Variants in SMCHD1 observed in about 807,000 individuals in gnomAD.
SMCHD1 encodes the protein structural maintenance of chromosomes flexible hinge domain containing 1.
SMCHD1 carries 78 observed loss-of-function variants against 254.7 expected under a neutral mutation model. The ratio of observed to expected loss-of-function variants is 0.31; its 90% CI spans 0.26 to 0.37. The LOEUF (loss-of-function observed/expected upper bound fraction) is 0.37. Among genes scored for constraint, SMCHD1 ranks in the 10% least tolerant of loss-of-function variants. The probability of loss-of-function intolerance (pLI) is 1.00; values close to 1 mark genes in which losing one functional copy is unlikely to be tolerated. For missense variants in SMCHD1, 1,840 were observed against 2,408.1 expected (o/e 0.76, Z 4.94); for synonymous variants, 766 against 794.9 (o/e 0.96, Z 0.61).
intron 25 of SMCHD1, among the ~76,000 whole-genome samples, chr18:2,737,336 A>G (rs1284964829): frequency 6.6e-6 from 1 of 152,244 alleles, no homozygotes; most frequent in Non-Finnish European, 1.5e-5. Flanking sequence ...CATGCAATTT[A>G]TCCATGTAAC....
chr18:2,680,795 G>C (rs2073906613), intron 5 of SMCHD1, among the ~76,000 whole-genome samples: 1 of 152,156 alleles, frequency 6.6e-6, no homozygotes, highest in Non-Finnish European at 1.5e-5. Context: ...GCCTCAGACA[G>C]CTGTTAATGA....
At chr18:2,776,040 ATTATATACGTTATTT>A in intron 42 of SMCHD1, 116 bp downstream of exon 42, 1 of 895,148 alleles carries the variant, frequency 1.1e-6, no homozygotes, top group Admixed American at 3.3e-5. Context: ...ATTGACTTGA[ATTATATACGTTATTT>A]TTGTCTTCAT....
intron 5 of SMCHD1, 116 bp from the exon 6 acceptor site, chr18:2,688,278 G>T (rs550842190): frequency 7.2e-6 from 5 of 693,224 alleles, no homozygotes; most frequent in African/African-American, 1.8e-5. Flanking sequence ...TCACCTTTCA[G>T]TTAGGGGTGT....
intron 40 of SMCHD1, among the ~76,000 whole-genome samples, chr18:2,771,894 G>T (rs1011582842): frequency 5.3e-4 from 80 of 152,222 alleles, no homozygotes; most frequent in African/African-American, 1.8e-3. Context: ...ACCACTACAC[G>T]TGATGGTAAA....
chr18:2,759,628 G>T (rs1353128926), intron 34 of SMCHD1, among the ~76,000 whole-genome samples: 1 of 138,206 alleles, frequency 7.2e-6, no homozygotes, highest in Non-Finnish European at 1.5e-5. Flanking sequence ...GGAGTGCAGT[G>T]GAGTGATCTT....
chr18:2,802,304 T>C lies in SMCHD1; in HGVS notation c.5994-224T>C, dbSNP rs1318078. On this transcript the variant is annotated intron_variant, in intron 47 of 47. Transcript: ENST00000320876. The stretch of plus-strand genomic sequence containing the variant: ...CTGTGATACAAATTACTTATATATG[T>C]TATATACTGTGTGTGTGTTAACTAC... Among the ~76,000 whole-genome samples the C allele has an allele frequency of 0.33, 50,201 of 151,998 alleles. 8,553 individuals are homozygous for C. The highest frequency in any genetic ancestry group is 0.45 in the East Asian group (2,348 of 5,172).
intron 23 of SMCHD1, 29 bp from the exon 24 acceptor site, chr18:2,729,246 T>C: frequency 7.1e-7 from 1 of 1,409,480 alleles, no homozygotes; most frequent in African/African-American, 1.5e-5. Context: ...TTAATAGGGG[T>C]CTTACATTAT....
chr18:2,755,528 A>G (rs1338272983), intron 34 of SMCHD1, among the ~76,000 whole-genome samples: 1 of 116,480 alleles, frequency 8.6e-6, no homozygotes, highest in Non-Finnish European at 1.9e-5. Context: ...TAGGTTTGTT[A>G]TTTTCCAGTT....
In SMCHD1 at chr18:2,802,818, A is replaced by C; in HGVS notation, c.*266A>C. ...CACTACCTTGCAAATGTGTAAGAGGAAAATGTGCTAATGTGGCAGTGACTG... is the reference window on the plus strand; with the variant it reads ...CACTACCTTGCAAATGTGTAAGAGGCAAATGTGCTAATGTGGCAGTGACTG... On this transcript the variant is annotated 3_prime_UTR_variant, in exon 48 of 48. Coordinates refer to ENST00000320876, the MANE Select transcript of SMCHD1 (RefSeq NM_015295.3). 1 of 354,722 alleles carries C rather than the reference A, an allele frequency of 2.8e-6. No individual in the cohort carries two copies. The allele number at this position is 354,722 out of a possible 1,614,324, so 22.0% of individuals were successfully genotyped here.
chr18:2,715,768 G>A (rs2074784744), intron 17 of SMCHD1, among the ~76,000 whole-genome samples: 1 of 152,004 alleles, frequency 6.6e-6, no homozygotes, highest in Non-Finnish European at 1.5e-5. Context: ...GAGGTGGGAG[G>A]ATCACTTGAG....
chr18:2,728,026 C>T (rs936078469), intron 22 of SMCHD1, among the ~76,000 whole-genome samples: 1 of 151,992 alleles, frequency 6.6e-6, no homozygotes, highest in African/African-American at 2.4e-5. Flanking sequence ...AGTAAATGAC[C>T]TGATCATGTC....
intron 9 of SMCHD1, 90 bp downstream of exon 9, chr18:2,697,212 A>C: frequency 5.4e-6 from 3 of 559,522 alleles, no homozygotes; most frequent in South Asian, 3.2e-5. Context: ...ACACTTGATA[A>C]TTAGACAACT....
intron 12 of SMCHD1, among the ~76,000 whole-genome samples, chr18:2,703,217 A>G (rs986589607): frequency 2.0e-4 from 30 of 152,264 alleles, no homozygotes; most frequent in African/African-American, 5.5e-4. Flanking sequence ...GTTTTCCCCA[A>G]TGAAATTTTA....
intron 31 of SMCHD1, 79 bp from the exon 32 acceptor site, chr18:2,750,271 A>T: frequency 6.8e-7 from 1 of 1,470,470 alleles, no homozygotes; most frequent in Non-Finnish European, 9.2e-7. Flanking sequence ...CTAAGAGTTG[A>T]ACTTTGCATA....
chr18:2,725,895 A>G (rs552224017), intron 21 of SMCHD1, among the ~76,000 whole-genome samples: 12 of 151,864 alleles, frequency 7.9e-5, no homozygotes, highest in Non-Finnish European at 1.8e-4. Context: ...AAGATAGTAT[A>G]GAGAGGTTAC....
intron 37 of SMCHD1, 132 bp from the exon 38 acceptor site, chr18:2,769,562 G>A (rs1242187809): frequency 1.1e-6 from 1 of 874,248 alleles, no homozygotes; most frequent in Non-Finnish European, 1.7e-6. Context: ...GAATCTTAAG[G>A]ATCAGCCTAT....
chr18:2,788,901 T>C (rs1324821558), intron 45 of SMCHD1, among the ~76,000 whole-genome samples: 1 of 152,140 alleles, frequency 6.6e-6, no homozygotes, highest in Non-Finnish European at 1.5e-5. Flanking sequence ...CTGGCCAAAT[T>C]AATATTCTTT....
At chr18:2,703,271 G>A (rs1485562738) in intron 12 of SMCHD1, among the ~76,000 whole-genome samples, 3 of 151,906 alleles carry the variant, frequency 2.0e-5, no homozygotes, top group Non-Finnish European at 4.4e-5. Context: ...TTGTATTCAC[G>A]TTTATAAAGT....
At chr18:2,728,742 G>GTT in intron 23 of SMCHD1, 146 bp downstream of exon 23, 6 of 534,806 alleles carry the variant, frequency 1.1e-5, no homozygotes, top group Non-Finnish European at 1.4e-5. Flanking sequence ...ATTGCCAATA[G>GTT]TTTTTTTTTT....
Sources: gnomAD v4.1 joint callset for allele counts (sites outside exome capture counted in the v4.1 genomes callset) on GRCh38, gnomAD v4.1.1 for gene constraint, MANE v1.5 for transcripts, NCBI Gene and HGNC (gene_info 2026-07-23, HGNC 2026-07-21) for gene names.